Variants in SPTLC3 observed in about 807,000 individuals in gnomAD.
The protein encoded by SPTLC3 is serine palmitoyltransferase 3.
Under a neutral mutation model 59.3 loss-of-function variants are expected in SPTLC3, and 36 were observed. The observed-to-expected ratio is 0.61, with a 90% confidence interval of 0.47 to 0.80. SPTLC3 has a LOEUF of 0.80. Ranked by LOEUF, SPTLC3 falls within the 30% of genes least tolerant of loss-of-function variation. SPTLC3 has a pLI of 0.00. For missense variants in SPTLC3, 625 were observed against 685.1 expected, an observed-to-expected ratio of 0.91 and a Z score of 0.98; for synonymous variants, 257 against 240.8, an observed-to-expected ratio of 1.07 and a Z score of -0.62.
At chr20:13,082,301 C>G (rs189877027) in intron 4 of SPTLC3, among the ~76,000 whole-genome samples, 3 of 152,194 alleles carry the variant, frequency 2.0e-5, no homozygotes, top group Admixed American at 6.5e-5. Flanking sequence ...GTCTGTAGGT[C>G]GAGAAGACTA....
chr20:13,157,967 A>G (rs992412991), intron 10 of SPTLC3, among the ~76,000 whole-genome samples: 4 of 152,232 alleles, frequency 2.6e-5, no homozygotes, highest in Non-Finnish European at 5.9e-5. Context: ...GTCTGTAGCC[A>G]GTTATCCTTT....
chr20:13,024,742 G>A (rs1005425823), intron 1 of SPTLC3, among the ~76,000 whole-genome samples: 5 of 152,292 alleles, frequency 3.3e-5, no homozygotes, highest in South Asian at 2.1e-4. Flanking sequence ...ATCTAATGAC[G>A]TAAAGGAAGA....
chr20:13,051,505 C>T (rs2122506121), intron 2 of SPTLC3, among the ~76,000 whole-genome samples: 1 of 152,268 alleles, frequency 6.6e-6, no homozygotes, highest in South Asian at 2.1e-4. Context: ...CTTCAGTACT[C>T]CACTGACAGC....
chr20:13,031,389 A>C (rs962440865), intron 1 of SPTLC3, among the ~76,000 whole-genome samples: 3 of 152,204 alleles, frequency 2.0e-5, no homozygotes, highest in African/African-American at 7.2e-5. Flanking sequence ...CTAAACCGTG[A>C]GAGCAGGGCC....
chr20:13,155,006 C>A (rs2038734254), intron 10 of SPTLC3, among the ~76,000 whole-genome samples: 1 of 151,958 alleles, frequency 6.6e-6, no homozygotes, highest in Non-Finnish European at 1.5e-5. Context: ...CATGGTGAGA[C>A]CCTGTCTCTA....
At chr20:13,124,826 A>T (rs771096757) in intron 8 of SPTLC3, among the ~76,000 whole-genome samples, 3 of 152,214 alleles carry the variant, frequency 2.0e-5, no homozygotes, top group Non-Finnish European at 4.4e-5. Flanking sequence ...CAGGCTCGGA[A>T]GTGGGAATGA....
At chr20:13,120,899 C>T (rs919272389) in intron 8 of SPTLC3, among the ~76,000 whole-genome samples, 1 of 152,178 alleles carries the variant, frequency 6.6e-6, no homozygotes, top group South Asian at 2.1e-4. Context: ...TTTGGAGCCG[C>T]TATAGATGCA....
At chr20:13,024,726 A>G (rs904743540) in intron 1 of SPTLC3, among the ~76,000 whole-genome samples, 19 of 152,220 alleles carry the variant, frequency 1.2e-4, no homozygotes, top group African/African-American at 4.3e-4. Flanking sequence ...TAATGTGTAA[A>G]TCATCATCTA....
rs1245643586 is a variant in SPTLC3 at position 13,074,344 on chromosome 20, C to T, written c.459-5C>T. On this transcript the variant is annotated splice_region_variant and splice_polypyrimidine_tract_variant and intron_variant, in intron 3 of 11. Transcript: ENST00000399002. ...TTATGTGCTCATTTACATGTTTCCC[C>T]ACAGGTTTACTGGAAGAGTCATCAA... is the stretch of plus-strand genomic sequence containing the variant. 1.2e-6 allele frequency: 2 copies of T among 1,613,164 alleles called. No individual in the cohort carries two copies. Among genetic ancestry groups the T allele is most frequent in the Non-Finnish European group, 1.7e-6 (2 of 1,179,624 alleles).
chr20:13,014,970 G>T (rs143456480), intron 1 of SPTLC3, among the ~76,000 whole-genome samples: 1 of 152,078 alleles, frequency 6.6e-6, no homozygotes, highest in Non-Finnish European at 1.5e-5. Flanking sequence ...GTCTGGATGC[G>T]CCAAGAGTGT....
At chr20:13,122,394 G>A (rs1457437732) in intron 8 of SPTLC3, among the ~76,000 whole-genome samples, 5 of 152,180 alleles carry the variant, frequency 3.3e-5, no homozygotes, top group East Asian at 1.9e-4. Context: ...GGAAAGTACC[G>A]CAGGGTAAGG....
At chr20:13,160,247 C>T (rs2038867707) in intron 11 of SPTLC3, 115 bp downstream of exon 11, 4 of 1,277,856 alleles carry the variant, frequency 3.1e-6, no homozygotes. Context: ...TTTAGGAAAA[C>T]AACACTGACA....
At chr20:13,159,457 G>C (rs988794051) in intron 10 of SPTLC3, among the ~76,000 whole-genome samples, 1 of 152,220 alleles carries the variant, frequency 6.6e-6, no homozygotes, top group African/African-American at 2.4e-5. Flanking sequence ...GCTGCAGTGG[G>C]AATATTGGCT....
At chr20:13,137,717 T>C (rs111718166) in intron 9 of SPTLC3, among the ~76,000 whole-genome samples, 1 of 152,176 alleles carries the variant, frequency 6.6e-6, no homozygotes, top group African/African-American at 2.4e-5. Flanking sequence ...TGTTGCTGAT[T>C]AAATTGTTCT....
chr20:13,101,444 A>T (rs1020174630), intron 6 of SPTLC3, among the ~76,000 whole-genome samples: 1 of 152,174 alleles, frequency 6.6e-6, no homozygotes, highest in African/African-American at 2.4e-5. Flanking sequence ...AGTAGCCTCA[A>T]TTTCAATTCA....
chr20:13,126,502 A>C (rs890357557), intron 8 of SPTLC3, 89 bp from the exon 9 acceptor site: 24 of 1,456,494 alleles, frequency 1.6e-5, no homozygotes, highest in Non-Finnish European at 2.2e-5. Flanking sequence ...GTCTTTTGCT[A>C]TGAGGATAGG....
At chr20:13,098,851 A>C (rs1989509811) in intron 6 of SPTLC3, among the ~76,000 whole-genome samples, 1 of 152,192 alleles carries the variant, frequency 6.6e-6, no homozygotes, top group African/African-American at 2.4e-5. Context: ...ACAACTGATT[A>C]ATAGTGAAGC....
At chr20:13,043,270 T>G (rs1267652476) in intron 1 of SPTLC3, among the ~76,000 whole-genome samples, 1 of 152,172 alleles carries the variant, frequency 6.6e-6, no homozygotes, top group African/African-American at 2.4e-5. Context: ...TCATCCTCCC[T>G]GAGCCAATCT....
At chr20:13,118,724 C>A (rs1361241782) in intron 8 of SPTLC3, among the ~76,000 whole-genome samples, 2 of 152,146 alleles carry the variant, frequency 1.3e-5, no homozygotes, top group Non-Finnish European at 2.9e-5. Flanking sequence ...AACAAAAATC[C>A]CCACTTTCTT....
Sources: gnomAD v4.1 joint callset for allele counts (sites outside exome capture counted in the v4.1 genomes callset) on GRCh38, gnomAD v4.1.1 for gene constraint, MANE v1.5 for transcripts, NCBI Gene and HGNC (gene_info 2026-07-23, HGNC 2026-07-21) for gene names.